The following FEZF2 variants were observed in gnomAD, a reference collection of about 807,000 sequenced individuals.
FEZF2 encodes fez family zinc finger protein 2.
In FEZF2, 2 loss-of-function variants were observed where a neutral mutation model predicts 32.8. That is an observed-to-expected ratio of 0.06 (90% CI 0.02 to 0.19). The LOEUF is 0.19. Among genes scored for constraint, FEZF2 ranks in the 10% least tolerant of loss-of-function variants. The probability of loss-of-function intolerance (pLI) is 1.00; values close to 1 mark genes in which losing one functional copy is unlikely to be tolerated. For synonymous variants in FEZF2, 322 were observed against 284.8 expected (o/e 1.13, Z -1.32); for missense variants, 516 against 625.4 (o/e 0.83, Z 1.87).
At position 62,369,804 on chromosome 3, in the gene FEZF2, G is replaced by T; in HGVS notation, c.*279C>A. 1 of 406,556 alleles carries T rather than the reference G, an allele frequency of 2.5e-6. No homozygotes were observed. Among genetic ancestry groups the T allele is most frequent in the South Asian group, 3.3e-5 (1 of 29,938 alleles). 25.2% of individuals were successfully genotyped at this position (406,556 alleles called of 1,614,324 possible). A position where few individuals can be genotyped will look rare whatever the true frequency, so the allele number is the denominator to read the frequency against. On this transcript the variant is annotated 3_prime_UTR_variant, in exon 5 of 5. Coordinates refer to ENST00000283268, the MANE Select transcript of FEZF2 (RefSeq NM_018008.4). The surrounding 1 kb of genome is among the most constrained non-coding windows in gnomAD (Gnocchi z 4.2). ...GGGGCGCTCACGGTGACAGGCTGGG[G>T]TTAAAACTGGCTGCCCCAGGAGAAG...
chr3:62,371,370 A>G lies in FEZF2; in HGVS notation c.988-21T>C, dbSNP rs377606571. On this transcript the variant is annotated intron_variant, in intron 3 of 4. Transcript: ENST00000283268. ...TTTTCCTGAGGAAAGGGGCGAGTGC[A>G]CAGTAAGGAGAGGCCACCTCGGGAA... 100 of 1,610,664 alleles carry G rather than the reference A, an allele frequency of 6.2e-5. No homozygotes were observed. The African/African-American group carries it at 1.2e-3, about 20-fold the overall frequency.
At position 62,372,351 on chromosome 3, in the gene FEZF2, T is replaced by C. The variant is rs751198698; in HGVS notation, c.518A>G (p.Asn173Ser). The C allele has an allele frequency of 6.2e-7, 1 of 1,610,488 alleles. No homozygotes were observed. ...LPASGSLYYF[N>S]YLDSTAYPPS... ...CGGGTACGCGGTCGAGTCCAGGTAGTTGAAGTAGTAGAGCGAGCCGCTGGC... is the reference window on the plus strand; with the variant it reads ...CGGGTACGCGGTCGAGTCCAGGTAGCTGAAGTAGTAGAGCGAGCCGCTGGC... Residue 173 changes from asparagine (N) to serine (S), a missense_variant, in exon 2 of 5, where the codon AAC becomes AGC. By Grantham distance (46) the Asn-to-Ser change is conservative (BLOSUM62 1). Transcript: ENST00000283268. This position sits in a 1 kb window ranked among gnomAD's most constrained non-coding sequence, Gnocchi z 9.6.
At chr3:62,371,927 G>T in intron 2 of FEZF2, 90 bp downstream of exon 2, 1 of 1,508,184 alleles carries the variant, frequency 6.6e-7, no homozygotes, top group Non-Finnish European at 8.8e-7. Flanking sequence ...GAGCTCCTCA[G>T]CTTGAAAAAG....
Position 62,372,480 on chromosome 3 carries a change from T to A in FEZF2, c.389A>T (p.Asn130Ile). The A allele has an allele frequency of 6.3e-7, 1 of 1,577,448 alleles. No individual in the cohort carries two copies. The highest frequency in any genetic ancestry group is 8.6e-7 in the Non-Finnish European group (1 of 1,164,742). The change falls in exon 2 of 5, where the codon AAC becomes ATC. Residue 130 changes from asparagine (N) to isoleucine (I), a missense_variant. Transcript: ENST00000283268. The surrounding 1 kb of genome is among the most constrained non-coding windows in gnomAD (Gnocchi z 9.6). ...CTCGGCCTTGCAGCACACGCCACAG[T>A]TGGTTTTGCACAAGCCGCTGGCGCC... is the stretch of plus-strand genomic sequence containing the variant. ...VCGASGLCKT[N>I]CGVCCKAELG...
rs965786249 is a variant in FEZF2, at chr3:62,370,372, G to A, written c.1121-30C>T. On this transcript the variant is annotated intron_variant, in intron 4 of 4. Coordinates refer to ENST00000283268, the MANE Select transcript of FEZF2 (RefSeq NM_018008.4). The surrounding 1 kb of genome is among the most constrained non-coding windows in gnomAD (Gnocchi z 4.2). ...AACAGATCAAGAACAAAAAACGTGG[G>A]GGTATGGAGTAGAATGGTGGGGAGG... 6.2e-7 allele frequency: 1 copy of A among 1,610,640 alleles called. No homozygotes were observed. Among genetic ancestry groups the A allele is most frequent in the Non-Finnish European group, 8.5e-7 (1 of 1,177,672 alleles).
Position 62,372,283 on chromosome 3 carries a change from G to T in FEZF2, c.586C>A (p.Leu196Ile), listed in dbSNP as rs1285467179. The T allele has an allele frequency of 1.9e-6, 3 of 1,600,416 alleles. No homozygotes were observed. Among genetic ancestry groups the T allele is most frequent in the Non-Finnish European group, 1.7e-6 (2 of 1,174,194 alleles). ...LSGHLFPSGL[L>I]NAQAPAALAA... The stretch of plus-strand genomic sequence containing the variant: ...AGGGCGGCGGGGGCCTGCGCATTGA[G>T]GAGGCCAGACGGGAAGAGGTGGCCG... The change falls in exon 2 of 5, where the codon CTC (leucine) becomes ATC (isoleucine). Residue 196 changes from leucine (L) to isoleucine (I), a missense_variant. Physicochemically the swap from Leu to Ile is conservative, Grantham distance 5. This residue lies in a region of FEZF2 where 408 missense variants were observed against 382.2 expected (regional missense o/e 1.07). Coordinates refer to ENST00000283268, the MANE Select transcript of FEZF2 (RefSeq NM_018008.4). This position sits in a 1 kb window ranked among gnomAD's most constrained non-coding sequence, Gnocchi z 9.6.
rs1704269821 is a variant in FEZF2, at chr3:62,371,524, G to C, written c.987+9C>G. ...CGCGCGGGCTAGGCCCGACCCGGGG[G>C]CCACGTACCTGGGTGTGGATAATTT... On this transcript the variant is annotated intron_variant, in intron 3 of 4. Coordinates refer to ENST00000283268, the MANE Select transcript of FEZF2 (RefSeq NM_018008.4). 6.2e-7 allele frequency: 1 copy of C among 1,608,260 alleles called. No individual in the cohort carries two copies. The highest frequency in any genetic ancestry group is 8.5e-7 in the Non-Finnish European group (1 of 1,177,222).
In FEZF2 at chr3:62,369,986, CTA is replaced by C; in HGVS notation, c.*95_*96del. 1 of 1,369,508 alleles carries C rather than the reference CTA, an allele frequency of 7.3e-7. No homozygotes were observed. The highest frequency in any genetic ancestry group is 9.7e-7 in the Non-Finnish European group (1 of 1,030,098). 84.8% of individuals were successfully genotyped at this position (1,369,508 alleles called of 1,614,324 possible). A position where few individuals can be genotyped will look rare whatever the true frequency, so the allele number is the denominator to read the frequency against. On this transcript the variant is annotated 3_prime_UTR_variant, in exon 5 of 5. Transcript: ENST00000283268. The surrounding 1 kb of genome is among the most constrained non-coding windows in gnomAD (Gnocchi z 4.2). ...CGATAAATAGATTTTAGCCTCTCTGCTATAGTTTTTTTTTCTTTTAATTTTAG... is the reference window on the plus strand; with the variant it reads ...CGATAAATAGATTTTAGCCTCTCTGCTAGTTTTTTTTTCTTTTAATTTTAG...
Position 62,372,707 on chromosome 3 carries a change from C to T in FEZF2, c.162G>A (p.Glu54=). 6.2e-7 allele frequency: 1 copy of T among 1,609,512 alleles called. No homozygotes were observed. Among genetic ancestry groups the T allele is most frequent in the Non-Finnish European group, 8.5e-7 (1 of 1,177,918 alleles). Residue 54 remains glutamate, a synonymous_variant, in exon 2 of 5, where the codon GAG becomes GAA. Transcript: ENST00000283268. This position sits in a 1 kb window ranked among gnomAD's most constrained non-coding sequence, Gnocchi z 9.6. ...GTTTCTTGCCCTGGCTGCCGTCCGC[C>T]TCTAGCGCTCCAGGCCGGGGCTCAA... The part of the protein sequence containing the change: ...APFEPRPGAL[E]ADGSQGKKLL...
At position 62,372,465 on chromosome 3, in the gene FEZF2, C is replaced by T; in HGVS notation, c.404G>A (p.Cys135Tyr). 4 of 1,595,956 alleles carry T rather than the reference C, an allele frequency of 2.5e-6. No homozygotes were observed. The highest frequency in any genetic ancestry group is 3.4e-6 in the Non-Finnish European group (4 of 1,173,026). Residue 135 changes from cysteine to tyrosine, a missense_variant, in exon 2 of 5, where the codon TGC becomes TAC. Cys to Tyr is a radical substitution (Grantham distance 194). Coordinates refer to ENST00000283268, the MANE Select transcript of FEZF2 (RefSeq NM_018008.4). This position sits in a 1 kb window ranked among gnomAD's most constrained non-coding sequence, Gnocchi z 9.6. The part of the protein sequence containing the change: ...GLCKTNCGVC[C>Y]KAELGLAPSA... ...CGGCGCCAGGCCCAGCTCGGCCTTGCAGCACACGCCACAGTTGGTTTTGCA... is the reference window on the plus strand; with the variant it reads ...CGGCGCCAGGCCCAGCTCGGCCTTGTAGCACACGCCACAGTTGGTTTTGCA...
At position 62,371,191 on chromosome 3, in the gene FEZF2, A is replaced by G. The variant is rs1168413106; in HGVS notation, c.1120+26T>C. On this transcript the variant is annotated intron_variant, in intron 4 of 4. Coordinates refer to ENST00000283268, the MANE Select transcript of FEZF2 (RefSeq NM_018008.4). ...ACCCGAGTCCTGAGGTGAGGTGAGA[A>G]GAGAAGGCCTCGCCTGGCACGTTAC... The G allele has an allele frequency of 1.9e-6, 3 of 1,614,178 alleles. No individual in the cohort carries two copies. The East Asian group carries it at 6.7e-5, about 36-fold the overall frequency.
In FEZF2 at chr3:62,372,570, C is replaced by G. The variant is rs1704290213; in HGVS notation, c.299G>C (p.Arg100Pro). ...GCCGCCGCCTCCGCCGCCGCCCGCC[C>G]GGAGGCTGCTTTTCCAGAGCTCCGA... The part of the protein sequence containing the change: ...SYSELWKSSL[R>P]AGGGGGGGGG... Residue 100 changes from arginine to proline, a missense_variant, in exon 2 of 5, where the codon CGG (arginine) becomes CCG (proline). Physicochemically the swap from Arg to Pro is moderately radical, Grantham distance 103. Transcript: ENST00000283268. This position sits in a 1 kb window ranked among gnomAD's most constrained non-coding sequence, Gnocchi z 9.6. 1 of 1,394,286 alleles carries G rather than the reference C, an allele frequency of 7.2e-7. No homozygotes were observed. Among genetic ancestry groups the G allele is most frequent in the East Asian group, 2.7e-5 (1 of 36,564 alleles). The allele number at this position is 1,394,286 out of a possible 1,614,324, so 86.4% of individuals were successfully genotyped here.
chr3:62,370,666 T>C lies in FEZF2; in HGVS notation c.1121-324A>G, dbSNP rs1207544233. The stretch of plus-strand genomic sequence containing the variant: ...CCAGAGACGCACCGAGTCCTTCTCC[T>C]GGCTGATGCCTCGCTAGAAGAAATT... On this transcript the variant is annotated intron_variant, in intron 4 of 4. Transcript: ENST00000283268. This position sits in a 1 kb window ranked among gnomAD's most constrained non-coding sequence, Gnocchi z 4.2. Among the ~76,000 whole-genome samples, 4 of 152,222 alleles carry C rather than the reference T, an allele frequency of 2.6e-5. No homozygotes were observed. The highest frequency in any genetic ancestry group is 2.0e-4 in the Admixed American group (3 of 15,288).
Position 62,372,370 on chromosome 3 carries a change from C to T in FEZF2, c.499G>A (p.Gly167Ser), listed in dbSNP as rs781518829. The change falls in exon 2 of 5, where the codon GGC (glycine) becomes AGC (serine). Residue 167 changes from glycine to serine, a missense_variant. Transcript: ENST00000283268. The surrounding 1 kb of genome is among the most constrained non-coding windows in gnomAD (Gnocchi z 9.6). ...AGGTAGTTGAAGTAGTAGAGCGAGC[C>T]GCTGGCCGGCAGCCCCACAGCCTGG... Reference protein sequence around the residue: ...INQAVGLPASGSLYYFNYLDS... With the variant: ...INQAVGLPASSSLYYFNYLDS... The T allele has an allele frequency of 3.7e-6, 6 of 1,610,926 alleles. No individual in the cohort carries two copies. Among genetic ancestry groups the T allele is most frequent in the South Asian group, 1.1e-5 (1 of 90,984 alleles).
At chr3:62,371,488 T>G (rs759090935) in intron 3 of FEZF2, 45 bp downstream of exon 3, 3 of 1,590,938 alleles carry the variant, frequency 1.9e-6, no homozygotes, top group Admixed American at 1.7e-5. Flanking sequence ...TCACTAAGAT[T>G]CTGGGGGTTG....
In FEZF2 at chr3:62,371,541, G is replaced by T; in HGVS notation, c.979C>A (p.His327Asn). The part of the protein sequence containing the change: ...ASTLCRHKII[H>N]TQEKPHKCNQ... ...ACCCGGGGGCCACGTACCTGGGTGT[G>T]GATAATTTTGTGCCTGCAGAGCGTG... Residue 327 changes from histidine to asparagine, a missense_variant, in exon 3 of 5, where the codon CAC becomes AAC. Physicochemically the swap from His to Asn is moderately conservative, Grantham distance 68. Coordinates refer to ENST00000283268, the MANE Select transcript of FEZF2 (RefSeq NM_018008.4). 6.2e-7 allele frequency: 1 copy of T among 1,612,400 alleles called. No homozygotes were observed. Among genetic ancestry groups the T allele is most frequent in the South Asian group, 1.1e-5 (1 of 90,772 alleles).
At chr3:62,371,707 G>C (rs1235955909) in intron 2 of FEZF2, 40 bp from the exon 3 acceptor site, 10 of 1,582,342 alleles carry the variant, frequency 6.3e-6, no homozygotes, top group Non-Finnish European at 8.6e-6. Context: ...GCGTCTGTCC[G>C]AGGGCCTACA....
Position 62,372,559 on chromosome 3 carries a change from C to T in FEZF2, c.310G>A (p.Gly104Ser), listed in dbSNP as rs1164796008. 9 of 1,370,692 alleles carry T rather than the reference C, an allele frequency of 6.6e-6. No individual in the cohort carries two copies. Among genetic ancestry groups the T allele is most frequent in the Non-Finnish European group, 8.5e-6 (9 of 1,063,214 alleles). The allele number at this position is 1,370,692 out of a possible 1,614,324, so 84.9% of individuals were successfully genotyped here. ...LWKSSLRAGG[G>S]GGGGGGGGGG... ...CCGCCACCGCCGCCGCCGCCTCCGCCGCCGCCCGCCCGGAGGCTGCTTTTC... is the reference window on the plus strand; with the variant it reads ...CCGCCACCGCCGCCGCCGCCTCCGCTGCCGCCCGCCCGGAGGCTGCTTTTC... Residue 104 changes from glycine (G) to serine (S), a missense_variant, in exon 2 of 5, where the codon GGC (glycine) becomes AGC (serine). Physicochemically the swap from Gly to Ser is moderately conservative, Grantham distance 56 (BLOSUM62 0). Transcript: ENST00000283268. This position sits in a 1 kb window ranked among gnomAD's most constrained non-coding sequence, Gnocchi z 9.6.
At position 62,371,363 on chromosome 3, in the gene FEZF2, C is replaced by T. The variant is rs542915561; in HGVS notation, c.988-14G>A. ...ATGTGGCTTTTCCTGAGGAAAGGGG[C>T]GAGTGCACAGTAAGGAGAGGCCACC... On this transcript the variant is annotated splice_polypyrimidine_tract_variant and intron_variant, in intron 3 of 4. Transcript: ENST00000283268. 2.5e-6 allele frequency: 4 copies of T among 1,611,510 alleles called. No individual in the cohort carries two copies. The highest frequency in any genetic ancestry group is 1.7e-4 in the Middle Eastern group (1 of 6,042).
Sources: allele counts gnomAD v4.1 joint callset (sites outside exome capture counted in the v4.1 genomes callset), GRCh38; gene constraint gnomAD v4.1.1; regional missense constraint gnomAD v4.1.1; non-coding constraint Gnocchi (gnomAD v3.1); transcripts MANE v1.5; gene names NCBI Gene and HGNC (gene_info 2026-07-23, HGNC 2026-07-21).